PLCH1: variants seen among roughly 807,000 people sequenced by gnomAD.
PLCH1 encodes 1-phosphatidylinositol 4,5-bisphosphate phosphodiesterase eta-1.
Under a neutral mutation model 126.7 loss-of-function variants are expected in PLCH1, and 60 were observed. The ratio of observed to expected loss-of-function variants is 0.47; its 90% CI spans 0.38 to 0.59. PLCH1 has a LOEUF of 0.59. Among genes scored for constraint, PLCH1 ranks in the 20% least tolerant of loss-of-function variants. The pLI is 0.00. For missense variants in PLCH1, 1,723 were observed against 2,040.0 expected (o/e 0.84, Z 2.99); for synonymous variants, 719 against 734.9 (o/e 0.98, Z 0.35).
At chr3:155,739,163 C>T (rs569210497) in intron 1 of PLCH1, among the ~76,000 whole-genome samples, 1 of 152,304 alleles carries the variant, frequency 6.6e-6, no homozygotes, top group East Asian at 1.9e-4. Flanking sequence ...TCTGGAATAA[C>T]TTAAGACATT....
At chr3:155,474,471 T>C (rs1238730036) in intron 21 of PLCH1, among the ~76,000 whole-genome samples, 5 of 138,184 alleles carry the variant, frequency 3.6e-5, no homozygotes, top group Non-Finnish European at 6.2e-5. Context: ...ACTTTTACAC[T>C]GTTGGTGGGA....
intron 6 of PLCH1, among the ~76,000 whole-genome samples, chr3:155,581,808 G>A (rs1454599169): frequency 1.3e-5 from 2 of 148,998 alleles, no homozygotes; most frequent in Admixed American, 6.8e-5. Context: ...GTGCAATGAC[G>A]CTATCTCGGC....
chr3:155,509,041 T>G (rs1719083042), intron 12 of PLCH1, among the ~76,000 whole-genome samples: 1 of 137,402 alleles, frequency 7.3e-6, no homozygotes, highest in South Asian at 2.3e-4. Flanking sequence ...AGCCTCTTAT[T>G]GGTCTATTCA....
chr3:155,537,555 T>C (rs1371565326), intron 10 of PLCH1, among the ~76,000 whole-genome samples: 3 of 152,020 alleles, frequency 2.0e-5, no homozygotes, highest in Non-Finnish European at 4.4e-5. Flanking sequence ...TAGAAGAAGA[T>C]ATTTCATGCA....
In PLCH1 at chr3:155,606,389, C is replaced by T. The variant is rs1385609867; in HGVS notation, c.80-10011G>A. Among the ~76,000 whole-genome samples the T allele has an allele frequency of 2.0e-5, 3 of 152,156 alleles. No homozygotes were observed. The East Asian group carries it at 5.8e-4, about 29-fold the overall frequency. On this transcript the variant is annotated intron_variant, in intron 2 of 22. Transcript: ENST00000460012. ...CAGATCTGCTCAAAATCTAAGACTTCGCTCTGTTTTGCATTGCATCACTTG... is the reference window on the plus strand; with the variant it reads ...CAGATCTGCTCAAAATCTAAGACTTTGCTCTGTTTTGCATTGCATCACTTG...
chr3:155,666,861 C>A (rs2108964026), intron 2 of PLCH1, among the ~76,000 whole-genome samples: 1 of 150,790 alleles, frequency 6.6e-6, no homozygotes, highest in Middle Eastern at 3.4e-3. Flanking sequence ...GTTGTCAAAC[C>A]TGAGAAAAAG....
At chr3:155,486,446 A>G (rs570670593) in intron 21 of PLCH1, among the ~76,000 whole-genome samples, 2 of 150,956 alleles carry the variant, frequency 1.3e-5, no homozygotes, top group Admixed American at 6.6e-5. Context: ...ATGGACATTT[A>G]TTTAGCAGAG....
intron 2 of PLCH1, among the ~76,000 whole-genome samples, chr3:155,700,400 T>C (rs1746184483): frequency 6.6e-6 from 1 of 152,228 alleles, no homozygotes; most frequent in African/African-American, 2.4e-5. Context: ...AAATATTTAA[T>C]AAGAGAATTA....
At position 155,471,850 on chromosome 3, in the gene PLCH1, G is replaced by A. The variant is rs368599738; in HGVS notation, c.2938+13506C>T. Among the ~76,000 whole-genome samples, 33 of 152,068 alleles carry A rather than the reference G, an allele frequency of 2.2e-4. No individual in the cohort carries two copies. The East Asian group carries it at 5.6e-3, about 26-fold the overall frequency. On this transcript the variant is annotated intron_variant, in intron 21 of 21. Transcript: ENST00000494598. ...CTACTGGATACATAACGAAATGAAG[G>A]CAGAAATAAAGATGTTCTTTGAAAC...
chr3:155,453,781 GATA>G (rs2107966424), intron 21 of PLCH1, among the ~76,000 whole-genome samples: 1 of 150,880 alleles, frequency 6.6e-6, no homozygotes, highest in East Asian at 2.0e-4. Context: ...ATTAATTTCT[GATA>G]ATAAATTATA....
At chr3:155,615,277 A>G (rs1227025967) in intron 2 of PLCH1, among the ~76,000 whole-genome samples, 1 of 152,108 alleles carries the variant, frequency 6.6e-6, no homozygotes, top group Non-Finnish European at 1.5e-5. Flanking sequence ...CAAAAAATCA[A>G]AAAATACTAA....
chr3:155,628,357 A>G (rs1272173337), intron 2 of PLCH1, among the ~76,000 whole-genome samples: 1 of 41,320 alleles, frequency 2.4e-5, no homozygotes, highest in African/African-American at 2.8e-4. Flanking sequence ...TATGCCCAGG[A>G]AAAAAAAAAA....
chr3:155,562,925 G>T (rs940734059), intron 8 of PLCH1, among the ~76,000 whole-genome samples: 1 of 152,060 alleles, frequency 6.6e-6, no homozygotes, highest in East Asian at 1.9e-4. Context: ...TCGACAGCAG[G>T]TAACCAACTG....
At chr3:155,578,172 G>A (rs935338650) in intron 6 of PLCH1, among the ~76,000 whole-genome samples, 5 of 152,166 alleles carry the variant, frequency 3.3e-5, no homozygotes, top group African/African-American at 1.2e-4. Flanking sequence ...GAGTAAAGAT[G>A]TAGAAAGGAT....
At chr3:155,738,485 C>T (rs1306845564) in intron 1 of PLCH1, among the ~76,000 whole-genome samples, 1 of 151,844 alleles carries the variant, frequency 6.6e-6, no homozygotes, top group Non-Finnish European at 1.5e-5. Flanking sequence ...TACAAAATTT[C>T]TTTTAAAAAT....
At chr3:155,666,326 T>A (rs942883843) in intron 2 of PLCH1, among the ~76,000 whole-genome samples, 7 of 152,202 alleles carry the variant, frequency 4.6e-5, no homozygotes, top group African/African-American at 1.7e-4. Context: ...TCTTTGGCAA[T>A]CTGGTAAGGC....
intron 11 of PLCH1, among the ~76,000 whole-genome samples, chr3:155,517,352 A>C (rs1471526525): frequency 6.6e-6 from 1 of 152,192 alleles, no homozygotes; most frequent in African/African-American, 2.4e-5. Flanking sequence ...AATTTAACAA[A>C]TTGCTACAAA....
At chr3:155,679,268 C>T (rs1744323769) in intron 2 of PLCH1, among the ~76,000 whole-genome samples, 1 of 151,998 alleles carries the variant, frequency 6.6e-6, no homozygotes. Flanking sequence ...TTTTTACTTG[C>T]TGTAATATTC....
chr3:155,548,206 C>A (rs1421774553), intron 10 of PLCH1, among the ~76,000 whole-genome samples: 1 of 152,122 alleles, frequency 6.6e-6, no homozygotes, highest in Non-Finnish European at 1.5e-5. Flanking sequence ...CATAGACATC[C>A]TGCCTTTTCA....
Sources: allele counts gnomAD v4.1 joint callset (sites outside exome capture counted in the v4.1 genomes callset), GRCh38; gene constraint gnomAD v4.1.1; transcripts MANE v1.5; gene names NCBI Gene and HGNC (gene_info 2026-07-23, HGNC 2026-07-21).